NSD2: variants seen among roughly 807,000 people sequenced by gnomAD.
The protein encoded by NSD2 is histone-lysine N-methyltransferase NSD2.
NSD2 carries 12 observed loss-of-function variants against 139.0 expected under a neutral mutation model. The observed-to-expected ratio is 0.09, with a 90% confidence interval of 0.06 to 0.14. The LOEUF is 0.14. NSD2 is among the 10% of genes least tolerant of loss of function. The pLI is 1.00. For synonymous variants in NSD2, 669 were observed against 648.7 expected, an observed-to-expected ratio of 1.03 and a Z score of -0.48; for missense variants, 1,155 against 1,745.0, an observed-to-expected ratio of 0.66 and a Z score of 6.02.
chr4:1,951,445 CACACACACACACACACA>C (rs1560745549), intron 10 of NSD2, among the ~76,000 whole-genome samples: 6,588 of 99,542 alleles, frequency 0.066, 1,193 homozygotes, highest in Non-Finnish European at 0.079. Flanking sequence ...TCATGTAATA[CACACACACACACACACA>C]CACACACACA....
Position 1,972,068 on chromosome 4 carries a change from C to CA in NSD2, c.3373-2792dup, listed in dbSNP as rs1197652111. Among the ~76,000 whole-genome samples the CA allele has an allele frequency of 6.6e-6, 1 of 152,328 alleles. No individual in the cohort carries two copies. The highest frequency in any genetic ancestry group is 1.5e-5 in the Non-Finnish European group (1 of 68,028). On this transcript the variant is annotated intron_variant, in intron 18 of 21. Transcript: ENST00000508803. The surrounding 1 kb of genome is among the most constrained non-coding windows in gnomAD (Gnocchi z 4.0). ...GCAGAAACAGCAGAGCAGCAAGAGGCAAACAGTGTCTCTCGGAGAATGTGA... is the reference window on the plus strand; with the variant it reads ...GCAGAAACAGCAGAGCAGCAAGAGGCAAAACAGTGTCTCTCGGAGAATGTGA...
chr4:1,928,644 G>A (rs1051476774), intron 5 of NSD2, among the ~76,000 whole-genome samples: 2 of 152,132 alleles, frequency 1.3e-5, no homozygotes, highest in African/African-American at 4.8e-5. Context: ...TGGCTGCAGG[G>A]CGCTTGTGAC....
intron 1 of NSD2, among the ~76,000 whole-genome samples, chr4:1,876,915 C>A (rs1407574878): frequency 6.6e-6 from 1 of 152,048 alleles, no homozygotes; most frequent in Non-Finnish European, 1.5e-5. Context: ...GCAGGCAGAT[C>A]ACCTGAGGTC....
chr4:1,902,392 A>T (rs995209300), intron 2 of NSD2, among the ~76,000 whole-genome samples: 7 of 151,804 alleles, frequency 4.6e-5, no homozygotes, highest in African/African-American at 1.7e-4. Flanking sequence ...TGCCCAGTTA[A>T]TTTTTTATTT....
intron 1 of NSD2, among the ~76,000 whole-genome samples, chr4:1,880,067 T>C (rs1406530147): frequency 1.3e-5 from 2 of 152,166 alleles, no homozygotes; most frequent in Non-Finnish European, 2.9e-5. Context: ...TCCTAATGAT[T>C]TTTATTTCAT....
chr4:1,909,162 A>G (rs550111171), intron 3 of NSD2, among the ~76,000 whole-genome samples: 1 of 152,122 alleles, frequency 6.6e-6, no homozygotes, highest in African/African-American at 2.4e-5. Context: ...AGTTCCTTTA[A>G]GTTGTATGCC....
chr4:1,877,658 A>G lies in NSD2; in HGVS notation c.-30+6116A>G, dbSNP rs536052000. On this transcript the variant is annotated intron_variant, in intron 1 of 21. Coordinates refer to ENST00000508803, the MANE Select transcript of NSD2 (RefSeq NM_001042424.3). ...GTTTTGGGAGGCTCTTGTCTTTTCC[A>G]TCGTCACCCACTCCCATTCTCATTC... Among the ~76,000 whole-genome samples, 4 of 151,996 alleles carry G rather than the reference A, an allele frequency of 2.6e-5. No homozygotes were observed. In the South Asian group the frequency reaches 6.2e-4, roughly 24 times the overall value.
At chr4:1,947,643 C>T in intron 9 of NSD2, 1 of 1,055,632 alleles carries the variant, frequency 9.5e-7, no homozygotes, top group Non-Finnish European at 1.1e-6. Context: ...TGATTTCACA[C>T]TCATTTAATC....
At chr4:1,903,573 C>G (rs1717476709) in intron 2 of NSD2, among the ~76,000 whole-genome samples, 1 of 152,054 alleles carries the variant, frequency 6.6e-6, no homozygotes, top group East Asian at 1.9e-4. Context: ...ATTTGGAATT[C>G]TGTGAGAATT....
intron 1 of NSD2, among the ~76,000 whole-genome samples, chr4:1,879,247 C>CT (rs1232693231): frequency 6.6e-6 from 1 of 152,070 alleles, no homozygotes; most frequent in Non-Finnish European, 1.5e-5. Context: ...GAGACGGAGT[C>CT]TCGCTCTGTC....
intron 10 of NSD2, among the ~76,000 whole-genome samples, chr4:1,951,430 A>T: frequency 6.9e-6 from 1 of 144,960 alleles, no homozygotes; most frequent in East Asian, 2.1e-4. Flanking sequence ...AGATTTGTAT[A>T]CACATCATGT....
intron 1 of NSD2, among the ~76,000 whole-genome samples, chr4:1,886,015 G>A (rs1432464436): frequency 6.6e-6 from 1 of 152,096 alleles, no homozygotes; most frequent in African/African-American, 2.4e-5. Context: ...AAAGTGGAAG[G>A]ATACATACAA....
At position 1,972,799 on chromosome 4, in the gene NSD2, T is replaced by C. The variant is rs1181013716; in HGVS notation, c.3373-2064T>C. On this transcript the variant is annotated intron_variant, in intron 18 of 21. Coordinates refer to ENST00000508803, the MANE Select transcript of NSD2 (RefSeq NM_001042424.3). The surrounding 1 kb of genome is among the most constrained non-coding windows in gnomAD (Gnocchi z 4.0). ...GGAGGCAGCTTTGTGAGAAAAGACATTGTGCACGGAAGATTCCATTGGGAG... is the reference window on the plus strand; with the variant it reads ...GGAGGCAGCTTTGTGAGAAAAGACACTGTGCACGGAAGATTCCATTGGGAG... Among the ~76,000 whole-genome samples the C allele has an allele frequency of 1.3e-5, 2 of 152,210 alleles. No individual in the cohort carries two copies. Among genetic ancestry groups the C allele is most frequent in the Non-Finnish European group, 1.5e-5 (1 of 68,034 alleles).
At position 1,938,396 on chromosome 4, in the gene NSD2, CT is replaced by C. The variant is rs1191163534; in HGVS notation, c.1675-51del. 8 of 988,380 alleles carry C rather than the reference CT, an allele frequency of 8.1e-6. No individual in the cohort carries two copies. In the East Asian group the frequency reaches 1.4e-4, roughly 17 times the overall value. 61.2% of individuals were successfully genotyped at this position (988,380 alleles called of 1,614,324 possible). A position where few individuals can be genotyped will look rare whatever the true frequency, so the allele number is the denominator to read the frequency against. ...CTTTTTCTTTTTTTTTCCTTTTTTT[CT>C]TTTCTTTTTTTTTTCTTTCTTTTTT... On this transcript the variant is annotated intron_variant, in intron 7 of 21. Transcript: ENST00000508803.
chr4:1,939,528 C>A, intron 8 of NSD2, 126 bp from the exon 9 acceptor site: 1 of 997,550 alleles, frequency 1.0e-6, no homozygotes, highest in Non-Finnish European at 1.5e-6. Context: ...GAAAGTTAAG[C>A]CAGAAGGACA....
chr4:1,885,121 A>T (rs1714986805), intron 1 of NSD2, among the ~76,000 whole-genome samples: 3 of 148,876 alleles, frequency 2.0e-5, no homozygotes, highest in East Asian at 1.9e-4. Context: ...AAAAAAAAAA[A>T]ATAAAAATAA....
chr4:1,976,391 C>T lies in NSD2; in HGVS notation c.3622-84C>T. 2 of 1,465,094 alleles carry T rather than the reference C, an allele frequency of 1.4e-6. No homozygotes were observed. Among genetic ancestry groups the T allele is most frequent in the Non-Finnish European group, 1.9e-6 (2 of 1,074,080 alleles). 90.8% of individuals were successfully genotyped at this position (1,465,094 alleles called of 1,614,324 possible). A position where few individuals can be genotyped will look rare whatever the true frequency, so the allele number is the denominator to read the frequency against. Reference sequence around the variant, plus strand: ...GCACCTGCAGAGATCTCTGAAGTTCCTGGAGTGTAGCTCGCTCTTCTGCCC... The same window carrying T: ...GCACCTGCAGAGATCTCTGAAGTTCTTGGAGTGTAGCTCGCTCTTCTGCCC... On this transcript the variant is annotated intron_variant, in intron 20 of 21. Coordinates refer to ENST00000508803, the MANE Select transcript of NSD2 (RefSeq NM_001042424.3). The surrounding 1 kb of genome is among the most constrained non-coding windows in gnomAD (Gnocchi z 5.3).
chr4:1,951,909 C>T, intron 10 of NSD2, 199 bp from the exon 11 acceptor site: 2 of 787,420 alleles, frequency 2.5e-6, no homozygotes, highest in Non-Finnish European at 3.8e-6. Flanking sequence ...CTTTCTGTAA[C>T]AGTCATCTGG....
intron 16 of NSD2, 104 bp from the exon 17 acceptor site, chr4:1,959,367 A>C: frequency 2.1e-6 from 3 of 1,420,870 alleles, no homozygotes; most frequent in Non-Finnish European, 2.9e-6. Context: ...GAAGCTTTCT[A>C]AAAGGCCACC....
Sources: allele counts gnomAD v4.1 joint callset (sites outside exome capture counted in the v4.1 genomes callset), GRCh38; gene constraint gnomAD v4.1.1; non-coding constraint Gnocchi (gnomAD v3.1); transcripts MANE v1.5; gene names NCBI Gene and HGNC (gene_info 2026-07-23, HGNC 2026-07-21).